NUP188: variants seen among roughly 807,000 people sequenced by gnomAD.
NUP188 encodes the protein nucleoporin 188.
A neutral mutation model predicts 223.0 loss-of-function variants in NUP188; 97 were observed. The ratio of observed to expected loss-of-function variants is 0.43; its 90% CI spans 0.37 to 0.51. The LOEUF (loss-of-function observed/expected upper bound fraction) is 0.51. Among genes scored for constraint, NUP188 ranks in the 20% least tolerant of loss-of-function variants. NUP188 has a pLI of 0.00. For synonymous variants in NUP188, 869 were observed against 828.0 expected, an observed-to-expected ratio of 1.05 and a Z score of -0.85; for missense variants, 1,947 against 2,175.6, an observed-to-expected ratio of 0.89 and a Z score of 2.09.
rs1167913234 is a variant in NUP188 at position 129,001,639 on chromosome 9, C to T, written c.3954C>T (p.Thr1318=). The part of the protein sequence containing the change: ...RRLPILPTLL[T]TLEVSLRMKQ... ...TCCCCATCCTACCCACCCTCCTCAC[C>T]ACTCTAGAGGTGAGCCTTCGCATGA... The change falls in exon 35 of 44, where the codon ACC becomes ACT. Residue 1318 remains threonine, a synonymous_variant. Coordinates refer to ENST00000372577, the MANE Select transcript of NUP188 (RefSeq NM_015354.3). 1 of 1,613,934 alleles carries T rather than the reference C, an allele frequency of 6.2e-7. No individual in the cohort carries two copies. Among genetic ancestry groups the T allele is most frequent in the African/African-American group, 1.3e-5 (1 of 74,914 alleles).
At chr9:128,994,066 A>G (rs145210493) in intron 27 of NUP188, among the ~76,000 whole-genome samples, 2 of 152,306 alleles carry the variant, frequency 1.3e-5, no homozygotes, top group Non-Finnish European at 2.9e-5. Context: ...TTAAAAGGCT[A>G]AATTTGGGAG....
intron 5 of NUP188, 21 bp downstream of exon 5, chr9:128,957,053 CCTTT>C (rs1209442223): frequency 3.9e-6 from 6 of 1,522,688 alleles, no homozygotes; most frequent in South Asian, 1.2e-5. Context: ...TATGTCAGCT[CCTTT>C]CTTCTGCCTT....
chr9:129,001,489 C>A (rs373260968), intron 34 of NUP188, 40 bp from the exon 35 acceptor site: 45 of 1,591,612 alleles, frequency 2.8e-5, no homozygotes, highest in Non-Finnish European at 3.7e-5. Flanking sequence ...TCCTCCTCCT[C>A]TTCTTCTTCC....
chr9:128,955,895 A>G (rs1333847986), intron 3 of NUP188, among the ~76,000 whole-genome samples: 2 of 151,898 alleles, frequency 1.3e-5, no homozygotes, highest in African/African-American at 4.8e-5. Flanking sequence ...GCTATTACAG[A>G]TAATATATTA....
At chr9:128,955,871 T>C (rs1238112952) in intron 3 of NUP188, among the ~76,000 whole-genome samples, 1 of 152,014 alleles carries the variant, frequency 6.6e-6, no homozygotes, top group African/African-American at 2.4e-5. Flanking sequence ...TTCTAGGCCT[T>C]CTCGGTGGAC....
intron 11 of NUP188, among the ~76,000 whole-genome samples, chr9:128,971,652 T>C (rs771312280): frequency 6.6e-6 from 1 of 152,132 alleles, no homozygotes; most frequent in Non-Finnish European, 1.5e-5. Context: ...ACTCCTGACC[T>C]CGTGATCCAC....
chr9:128,957,153 T>C, intron 5 of NUP188, 121 bp downstream of exon 5: 2 of 641,282 alleles, frequency 3.1e-6, no homozygotes, highest in Non-Finnish European at 5.4e-6. Context: ...TACCGTCATC[T>C]TCAGGGAAGA....
chr9:128,950,652 G>A (rs1841770078), intron 2 of NUP188, among the ~76,000 whole-genome samples: 1 of 152,032 alleles, frequency 6.6e-6, no homozygotes, highest in South Asian at 2.1e-4. Context: ...GCCAACCCTG[G>A]CAAGATAGCA....
chr9:128,974,406 T>A (rs2131158840), intron 12 of NUP188, among the ~76,000 whole-genome samples: 1 of 150,866 alleles, frequency 6.6e-6, no homozygotes, highest in East Asian at 1.9e-4. Context: ...TTTTTTTTTT[T>A]TTTGAGACAG....
intron 2 of NUP188, among the ~76,000 whole-genome samples, chr9:128,952,473 A>G (rs1178717873): frequency 1.3e-5 from 2 of 151,950 alleles, no homozygotes; most frequent in East Asian, 3.9e-4. Context: ...CTGTAATCCC[A>G]GCACTTTGGG....
chr9:128,965,341 T>C (rs1842012726), intron 8 of NUP188, among the ~76,000 whole-genome samples: 1 of 152,188 alleles, frequency 6.6e-6, no homozygotes, highest in Non-Finnish European at 1.5e-5. Context: ...GTGAAATCTA[T>C]TTACATAAGG....
Position 129,006,571 on chromosome 9 carries a change from C to G in NUP188, c.5143C>G (p.Leu1715Val), listed in dbSNP as rs915551456. The G allele has an allele frequency of 1.5e-5, 24 of 1,614,102 alleles. No individual in the cohort carries two copies. The highest frequency in any genetic ancestry group is 2.0e-5 in the Non-Finnish European group (24 of 1,180,036). ...CCCCAGCTCCCCTGCCACTGGTGTC[C>G]TCCCCTCGCCGCAGGGCAAGTCCAC... is the stretch of plus-strand genomic sequence containing the variant. ...GAPSSPATGV[L>V]PSPQGKSTSL... Residue 1715 changes from leucine to valine, a missense_variant, in exon 44 of 44, where the codon CTC becomes GTC. Leu to Val is a conservative substitution (Grantham distance 32, BLOSUM62 1). Around this residue, in one of 3 missense-constraint regions of NUP188, gnomAD observed 905 missense variants for 990.6 expected, o/e 0.91. Transcript: ENST00000372577.
Position 128,973,146 on chromosome 9 carries a change from C to G in NUP188, c.1114-14C>G, listed in dbSNP as rs1842125326. The G allele has an allele frequency of 3.2e-6, 5 of 1,585,170 alleles. No homozygotes were observed. The highest frequency in any genetic ancestry group is 2.2e-5 in the South Asian group (2 of 89,940). ...ATTACTCAGAATGATTCACTGACTCCTTTGTCATTCCAGTGCACCACCAGC... is the reference window on the plus strand; with the variant it reads ...ATTACTCAGAATGATTCACTGACTCGTTTGTCATTCCAGTGCACCACCAGC... On this transcript the variant is annotated splice_polypyrimidine_tract_variant and intron_variant, in intron 11 of 43. Transcript: ENST00000372577.
intron 8 of NUP188, among the ~76,000 whole-genome samples, chr9:128,968,049 G>T (rs1273276450): frequency 6.6e-6 from 1 of 152,170 alleles, no homozygotes; most frequent in East Asian, 1.9e-4. Context: ...TTGAGGCTAG[G>T]AATTCAAAAC....
At chr9:128,980,581 A>G (rs768908569) in intron 13 of NUP188, 25 bp from the exon 14 acceptor site, 10 of 1,593,516 alleles carry the variant, frequency 6.3e-6, no homozygotes, top group Non-Finnish European at 8.5e-6. Context: ...TGTGAAGATC[A>G]GTGATTTGTC....
rs1405414818 is a variant in NUP188 at position 128,998,610 on chromosome 9, C to T, written c.3502C>T (p.Arg1168Trp). 14 of 1,613,846 alleles carry T rather than the reference C, an allele frequency of 8.7e-6. No homozygotes were observed. The highest frequency in any genetic ancestry group is 4.4e-5 in the South Asian group (4 of 91,082). The change falls in exon 32 of 44, where the codon CGG (arginine) becomes TGG (tryptophan). Residue 1168 changes from arginine (R) to tryptophan (W), a missense_variant. Arg to Trp is a moderately radical substitution (Grantham distance 101). Around this residue, in one of 3 missense-constraint regions of NUP188, gnomAD observed 905 missense variants for 990.6 expected, o/e 0.91. Transcript: ENST00000372577. Reference protein sequence around the residue: ...MKCTLLLILLRQWKRELGSVD... With the variant: ...MKCTLLLILLWQWKRELGSVD... Reference sequence around the variant, plus strand: ...GTGCACTCTGCTGCTTATCCTCCTCCGGCAGTGGAAGAGGTGAGGCTGTGC... The same window carrying T: ...GTGCACTCTGCTGCTTATCCTCCTCTGGCAGTGGAAGAGGTGAGGCTGTGC...
intron 30 of NUP188, among the ~76,000 whole-genome samples, chr9:128,996,831 GAAAA>G (rs1039703689): frequency 2.0e-5 from 3 of 150,036 alleles, no homozygotes; most frequent in Non-Finnish European, 3.0e-5. Context: ...CAAAAGAAAA[GAAAA>G]AAAAAGAGAA....
In NUP188 at chr9:128,982,906, G is replaced by C. The variant is rs760518926; in HGVS notation, c.1674G>C (p.Val558=). The change falls in exon 17 of 44, where the codon GTG becomes GTC. Residue 558 remains valine, a synonymous_variant. Transcript: ENST00000372577. ...MLLHVVSTAD[V]IQHCQRVKPI... is the part of the protein sequence containing the mutation. ...ACAGGCTGTCTTTCTTCTCAGATGT[G>C]ATTCAGCACTGCCAGCGAGTCAAAC... The C allele has an allele frequency of 6.2e-7, 1 of 1,614,168 alleles. No individual in the cohort carries two copies. Among genetic ancestry groups the C allele is most frequent in the Admixed American group, 1.7e-5 (1 of 60,020 alleles).
intron 1 of NUP188, 142 bp downstream of exon 1, chr9:128,947,893 G>A: frequency 2.6e-6 from 2 of 760,092 alleles, no homozygotes; most frequent in South Asian, 4.2e-5. Flanking sequence ...GAGACGGGAG[G>A]CGGTTACGTC....
Sources: gnomAD v4.1 joint callset for allele counts (sites outside exome capture counted in the v4.1 genomes callset) on GRCh38, gnomAD v4.1.1 for gene constraint, gnomAD v4.1.1 regional missense constraint, MANE v1.5 for transcripts, NCBI Gene and HGNC (gene_info 2026-07-23, HGNC 2026-07-21) for gene names.